Variants in CD2 observed in about 807,000 individuals in gnomAD.
CD2 encodes T-cell surface antigen CD2.
A neutral mutation model predicts 23.2 loss-of-function variants in CD2; 18 were observed. That is an observed-to-expected ratio of 0.77 (90% confidence interval 0.54 to 1.15). CD2 has a LOEUF of 1.15. CD2 is among the 50% of genes most tolerant of loss of function. The pLI is 0.00. For missense variants in CD2, 424 were observed against 423.1 expected, an observed-to-expected ratio of 1.00 and a Z score of -0.02; for synonymous variants, 162 against 151.9, an observed-to-expected ratio of 1.07 and a Z score of -0.49.
At chr1:116,764,111 T>C (rs1652138947) in intron 3 of CD2, among the ~76,000 whole-genome samples, 1 of 151,898 alleles carries the variant, frequency 6.6e-6, no homozygotes, top group African/African-American at 2.4e-5. Context: ...GGGCAACTCA[T>C]TCTCCCTCTC....
intron 2 of CD2, among the ~76,000 whole-genome samples, chr1:116,759,390 A>G (rs1651962250): frequency 6.6e-6 from 1 of 151,798 alleles, no homozygotes; most frequent in African/African-American, 2.4e-5. Flanking sequence ...ACTGAGAGGG[A>G]AAAGTGGCAA....
intron 2 of CD2, among the ~76,000 whole-genome samples, chr1:116,758,649 A>G (rs1333451766): frequency 5.9e-5 from 9 of 152,178 alleles, no homozygotes; most frequent in Admixed American, 5.9e-4. Flanking sequence ...CAAACAGCAC[A>G]GAACTCGAGT....
chr1:116,765,771 C>A (rs1379548420), intron 4 of CD2, among the ~76,000 whole-genome samples: 1 of 152,252 alleles, frequency 6.6e-6, no homozygotes. Context: ...AAGACCATAT[C>A]TTCTTCCAAG....
intron 3 of CD2, among the ~76,000 whole-genome samples, chr1:116,761,671 G>A (rs1652057447): frequency 6.6e-6 from 1 of 152,182 alleles, no homozygotes; most frequent in Non-Finnish European, 1.5e-5. Context: ...AGAGGGGATT[G>A]CACATAGGTG....
intron 2 of CD2, among the ~76,000 whole-genome samples, chr1:116,756,650 A>G (rs1253079606): frequency 6.6e-6 from 1 of 152,128 alleles, no homozygotes; most frequent in Non-Finnish European, 1.5e-5. Flanking sequence ...GGCCTTCAGT[A>G]TATTCAGAGT....
intron 4 of CD2, among the ~76,000 whole-genome samples, chr1:116,765,543 C>G (rs779254980): frequency 6.6e-6 from 1 of 152,160 alleles, no homozygotes; most frequent in Non-Finnish European, 1.5e-5. Context: ...GTCCCTCAGC[C>G]CCACGTCCCA....
intron 3 of CD2, among the ~76,000 whole-genome samples, chr1:116,761,293 C>T (rs528138330): frequency 4.6e-5 from 7 of 152,334 alleles, no homozygotes; most frequent in African/African-American, 1.4e-4. Flanking sequence ...CCCAAGCTCT[C>T]GCCTGGGAGT....
rs576826475 is a variant in CD2 at position 116,763,511 on chromosome 1, G to A, written c.614-973G>A. Reference sequence around the variant, plus strand: ...CCCTAGAACCCCTCCTGTTTCCCCTGTTGCTGGGAAACAGCTCCCAGAAAC... The same window carrying A: ...CCCTAGAACCCCTCCTGTTTCCCCTATTGCTGGGAAACAGCTCCCAGAAAC... On this transcript the variant is annotated intron_variant, in intron 3 of 4. Coordinates refer to ENST00000369478, the MANE Select transcript of CD2 (RefSeq NM_001767.5). Among the ~76,000 whole-genome samples the A allele has an allele frequency of 2.6e-5, 4 of 152,314 alleles. No homozygotes were observed. In the South Asian group the frequency reaches 8.3e-4, roughly 32 times the overall value.
At chr1:116,758,802 A>C (rs1385319607) in intron 2 of CD2, among the ~76,000 whole-genome samples, 1 of 152,124 alleles carries the variant, frequency 6.6e-6, no homozygotes, top group Non-Finnish European at 1.5e-5. Flanking sequence ...AGCGCCCAAC[A>C]ATACTGAGAC....
In CD2 at chr1:116,768,942, G is replaced by T. The variant is rs1652310499; in HGVS notation, c.*159G>T. 1.4e-6 allele frequency: 1 copy of T among 695,656 alleles called. No homozygotes were observed. Among genetic ancestry groups the T allele is most frequent in the Admixed American group, 2.9e-5 (1 of 33,978 alleles). The allele number at this position is 695,656 out of a possible 1,614,324, so 43.1% of individuals were successfully genotyped here. On this transcript the variant is annotated 3_prime_UTR_variant, in exon 5 of 5. Coordinates refer to ENST00000369478, the MANE Select transcript of CD2 (RefSeq NM_001767.5). The stretch of plus-strand genomic sequence containing the variant: ...CCTCTGCATCTTCGAACTCAGCCAT[G>T]TGGTCAACATCTGGAGTTTTTGGTC...
intron 3 of CD2, among the ~76,000 whole-genome samples, chr1:116,762,481 G>A (rs1223221500): frequency 6.6e-6 from 1 of 152,178 alleles, no homozygotes; most frequent in Non-Finnish European, 1.5e-5. Context: ...GAATACCTGG[G>A]GAGAGATTAG....
rs771976975 is a variant in CD2 at position 116,768,750 on chromosome 1, A to G, written c.1023A>G (p.Ala341=). 5 of 1,613,512 alleles carry G rather than the reference A, an allele frequency of 3.1e-6. No homozygotes were observed. In the Admixed American group the frequency reaches 6.7e-5, roughly 22 times the overall value. ...PRVQPKPPHG[A]AENSLSPSSN Reference sequence around the variant, plus strand: ...TTCAGCCAAAACCTCCCCATGGGGCAGCAGAAAACTCATTGTCCCCTTCCT... The same window carrying G: ...TTCAGCCAAAACCTCCCCATGGGGCGGCAGAAAACTCATTGTCCCCTTCCT... Residue 341 remains alanine, a synonymous_variant, in exon 5 of 5, where the codon GCA becomes GCG. Coordinates refer to ENST00000369478, the MANE Select transcript of CD2 (RefSeq NM_001767.5).
chr1:116,756,216 G>C (rs115235782), intron 2 of CD2, among the ~76,000 whole-genome samples: 1,748 of 152,262 alleles, frequency 0.011, 27 homozygotes, highest in African/African-American at 0.04. Context: ...GCGCTGAAAA[G>C]GGCCTCTGAT....
At chr1:116,768,248 C>G (rs1399776418) in intron 4 of CD2, among the ~76,000 whole-genome samples, 1 of 152,166 alleles carries the variant, frequency 6.6e-6, no homozygotes, top group African/African-American at 2.4e-5. Flanking sequence ...CCTGCTGATT[C>G]CTTGAGTTCT....
chr1:116,764,048 G>A (rs1434264933), intron 3 of CD2, among the ~76,000 whole-genome samples: 5 of 152,070 alleles, frequency 3.3e-5, no homozygotes, highest in East Asian at 3.8e-4. Context: ...CAGAAACACC[G>A]AGACAAGGGG....
chr1:116,764,582 A>G lies in CD2; in HGVS notation c.712A>G (p.Lys238Glu). The stretch of plus-strand genomic sequence containing the variant: ...GCTCGTTTTCTATATCACCAAAAGG[A>G]AAAAACAGAGGAGTCGGAGAAATGG... ...ALLVFYITKR[K>E]KQRSRRNDEE... The change falls in exon 4 of 5, where the codon AAA (lysine) becomes GAA (glutamate). Residue 238 changes from lysine to glutamate, a missense_variant. Coordinates refer to ENST00000369478, the MANE Select transcript of CD2 (RefSeq NM_001767.5). The G allele has an allele frequency of 6.2e-7, 1 of 1,614,038 alleles. No homozygotes were observed. Among genetic ancestry groups the G allele is most frequent in the Non-Finnish European group, 8.5e-7 (1 of 1,179,980 alleles).
intron 4 of CD2, among the ~76,000 whole-genome samples, chr1:116,765,963 C>A (rs979745463): frequency 2.6e-5 from 4 of 152,360 alleles, no homozygotes; most frequent in Middle Eastern, 6.8e-3. Flanking sequence ...AGCTTAAGTT[C>A]AGTGAGGTTC....
rs115161120 is a variant in CD2, at chr1:116,765,620, C to T, written c.736+1014C>T. On this transcript the variant is annotated intron_variant, in intron 4 of 4. Transcript: ENST00000369478. ...GAACTTAGTCCCATTCTTCCCACCA[C>T]GACTGTCCCACACTTTCCACCACAG... Among the ~76,000 whole-genome samples, 1,154 of 152,346 alleles carry T rather than the reference C, an allele frequency of 7.6e-3. 16 individuals carry two copies. Among genetic ancestry groups the T allele is most frequent in the African/African-American group, 0.026 (1,064 of 41,580 alleles).
chr1:116,757,120 C>T (rs946325139), intron 2 of CD2, among the ~76,000 whole-genome samples: 2 of 151,948 alleles, frequency 1.3e-5, no homozygotes, highest in Non-Finnish European at 1.5e-5. Context: ...CCTCAGCCTC[C>T]CAAGTAGCTG....
Sources: allele counts gnomAD v4.1 joint callset (sites outside exome capture counted in the v4.1 genomes callset), GRCh38; gene constraint gnomAD v4.1.1; transcripts MANE v1.5; gene names NCBI Gene and HGNC (gene_info 2026-07-23, HGNC 2026-07-21).